The following NEURL1B variants were observed in gnomAD, a reference collection of about 807,000 sequenced individuals.
NEURL1B encodes neuralized E3 ubiquitin protein ligase 1B.
NEURL1B carries 13 observed loss-of-function variants against 37.4 expected under a neutral mutation model. That is an observed-to-expected ratio of 0.35 (90% CI 0.23 to 0.55). NEURL1B has a LOEUF of 0.55. NEURL1B is among the 20% of genes least tolerant of loss of function. NEURL1B has a pLI of 0.89. For missense variants in NEURL1B, 790 were observed against 879.2 expected (o/e 0.90, Z 1.28); for synonymous variants, 432 against 426.6 (o/e 1.01, Z -0.16).
intron 1 of NEURL1B, among the ~76,000 whole-genome samples, chr5:172,658,600 C>T (rs1757837437): frequency 6.6e-6 from 1 of 152,186 alleles, no homozygotes; most frequent in African/African-American, 2.4e-5. Context: ...GCAGGGATGA[C>T]TTCTGCACTT....
At chr5:172,679,307 C>T (rs1027745) in intron 2 of NEURL1B, among the ~76,000 whole-genome samples, 16,540 of 152,288 alleles carry the variant, frequency 0.11, 1,209 homozygotes, top group East Asian at 0.3. Flanking sequence ...TGAAATGTGC[C>T]CATTTTACAG....
chr5:172,661,000 C>T (rs1296580289), intron 1 of NEURL1B, among the ~76,000 whole-genome samples: 1 of 152,212 alleles, frequency 6.6e-6, no homozygotes, highest in African/African-American at 2.4e-5. Context: ...GCAAAGGTGA[C>T]TGATATCTTG....
At chr5:172,681,584 A>C (rs1758354461) in intron 2 of NEURL1B, among the ~76,000 whole-genome samples, 1 of 152,212 alleles carries the variant, frequency 6.6e-6, no homozygotes, top group African/African-American at 2.4e-5. Context: ...AGAGAGATCA[A>C]ACCACCTCAA....
chr5:172,684,226 C>CCG, intron 3 of NEURL1B, 88 bp downstream of exon 3: 2 of 1,096,238 alleles, frequency 1.8e-6, no homozygotes, highest in Non-Finnish European at 1.1e-6. Flanking sequence ...CGGCCCCGCC[C>CCG]CTCTCGCTAG....
rs1758424058 is a variant in NEURL1B at position 172,683,920 on chromosome 5, A to G, written c.1079A>G (p.Asp360Gly). 2.8e-6 allele frequency: 4 copies of G among 1,407,974 alleles called. No homozygotes were observed. The highest frequency in any genetic ancestry group is 2.5e-5 in the Admixed American group (1 of 39,842). 87.2% of individuals were successfully genotyped at this position (1,407,974 alleles called of 1,614,324 possible). Residue 360 changes from aspartate to glycine, a missense_variant, in exon 3 of 5, where the codon GAC becomes GGC. Coordinates refer to ENST00000369800, the MANE Select transcript of NEURL1B (RefSeq NM_001142651.3). This position sits in a 1 kb window ranked among gnomAD's most constrained non-coding sequence, Gnocchi z 5.6. ...LRPNELPADPDALLDRKEYWV... is the reference protein window; with the variant it reads ...LRPNELPADPGALLDRKEYWV... ...CCCAACGAGCTGCCCGCCGACCCAG[A>G]CGCGCTGCTCGACCGCAAAGAGTAC...
In NEURL1B at chr5:172,675,252, G is replaced by A. The variant is rs1246033337; in HGVS notation, c.577+4922G>A. Among the ~76,000 whole-genome samples the A allele has an allele frequency of 6.6e-6, 1 of 152,112 alleles. No homozygotes were observed. The highest frequency in any genetic ancestry group is 2.1e-4 in the South Asian group (1 of 4,824). On this transcript the variant is annotated intron_variant, in intron 2 of 4. Coordinates refer to ENST00000369800, the MANE Select transcript of NEURL1B (RefSeq NM_001142651.3). The surrounding 1 kb of genome is among the most constrained non-coding windows in gnomAD (Gnocchi z 4.7). ...GGTATTGTGCTAAGGACCTTATTCT[G>A]TTTTTCTTTTTCCACTCACCCTTCT... is the stretch of plus-strand genomic sequence containing the variant.
intron 2 of NEURL1B, among the ~76,000 whole-genome samples, chr5:172,681,915 G>A (rs991806508): frequency 6.6e-6 from 1 of 152,202 alleles, no homozygotes; most frequent in Admixed American, 6.5e-5. Flanking sequence ...AAAAATGTTT[G>A]TATCACTAAA....
Position 172,641,479 on chromosome 5 carries a change from C to A in NEURL1B, c.31+42C>A. 1.6e-6 allele frequency: 2 copies of A among 1,264,838 alleles called. No individual in the cohort carries two copies. Among genetic ancestry groups the A allele is most frequent in the East Asian group, 3.1e-5 (1 of 31,966 alleles). 78.4% of individuals were successfully genotyped at this position (1,264,838 alleles called of 1,614,324 possible). On this transcript the variant is annotated intron_variant, in intron 1 of 4. Coordinates refer to ENST00000369800, the MANE Select transcript of NEURL1B (RefSeq NM_001142651.3). This position sits in a 1 kb window ranked among gnomAD's most constrained non-coding sequence, Gnocchi z 6.4. ...TGCCCGGGAGGCGGGCGCCGGGCTT[C>A]TCTCCTCCGGGGGACCCGCTGGGTG...
At chr5:172,672,658 A>G (rs1758153064) in intron 2 of NEURL1B, among the ~76,000 whole-genome samples, 1 of 151,938 alleles carries the variant, frequency 6.6e-6, no homozygotes, top group Non-Finnish European at 1.5e-5. Context: ...CATGAGCCTC[A>G]GCTTCCCTTA....
chr5:172,655,880 G>A (rs746980674), intron 1 of NEURL1B, among the ~76,000 whole-genome samples: 9 of 152,072 alleles, frequency 5.9e-5, no homozygotes, highest in Admixed American at 1.3e-4. Flanking sequence ...ATATAATCAC[G>A]GGCGAGCCCC....
chr5:172,684,644 G>T (rs1758448994), intron 3 of NEURL1B, among the ~76,000 whole-genome samples: 1 of 152,228 alleles, frequency 6.6e-6, no homozygotes, highest in African/African-American at 2.4e-5. Context: ...TGGAATGGAG[G>T]CCTGAACCAT....
Position 172,641,351 on chromosome 5 carries a change from A to G in NEURL1B, c.-56A>G. Reference sequence around the variant, plus strand: ...GGTCCTGGTCCCTGGCCCGCCGCGTAATTAGCCTCCGCGCGCCCAGAGCGC... The same window carrying G: ...GGTCCTGGTCCCTGGCCCGCCGCGTGATTAGCCTCCGCGCGCCCAGAGCGC... On this transcript the variant is annotated 5_prime_UTR_variant, in exon 1 of 5. It removes the in-frame stop codon of an upstream open reading frame in the 5' UTR. Coordinates refer to ENST00000369800, the MANE Select transcript of NEURL1B (RefSeq NM_001142651.3). This position sits in a 1 kb window ranked among gnomAD's most constrained non-coding sequence, Gnocchi z 6.4. 7.3e-7 allele frequency: 1 copy of G among 1,372,620 alleles called. No individual in the cohort carries two copies. Among genetic ancestry groups the G allele is most frequent in the East Asian group, 3.1e-5 (1 of 32,466 alleles). 85.0% of individuals were successfully genotyped at this position (1,372,620 alleles called of 1,614,324 possible). A position where few individuals can be genotyped will look rare whatever the true frequency, so the allele number is the denominator to read the frequency against.
intron 2 of NEURL1B, among the ~76,000 whole-genome samples, chr5:172,671,035 T>C (rs1758121734): frequency 6.6e-6 from 1 of 152,200 alleles, no homozygotes. Context: ...TCTCAAGACC[T>C]TTTTTTAAAA....
At chr5:172,668,189 A>G (rs1424028410) in intron 1 of NEURL1B, among the ~76,000 whole-genome samples, 1 of 152,088 alleles carries the variant, frequency 6.6e-6, no homozygotes, top group Admixed American at 6.5e-5. Flanking sequence ...CGTCAGCTCC[A>G]TCAGAGCAAC....
intron 1 of NEURL1B, among the ~76,000 whole-genome samples, chr5:172,648,171 G>T (rs573645987): frequency 6.6e-6 from 1 of 152,218 alleles, no homozygotes; most frequent in Non-Finnish European, 1.5e-5. Flanking sequence ...TTTTTAGCCA[G>T]ACAAGTGACG....
At chr5:172,681,019 T>C (rs1229856895) in intron 2 of NEURL1B, among the ~76,000 whole-genome samples, 1 of 152,126 alleles carries the variant, frequency 6.6e-6, no homozygotes, top group African/African-American at 2.4e-5. Context: ...CTTACAATCA[T>C]GGCAGAAGGT....
chr5:172,661,796 C>T lies in NEURL1B; in HGVS notation c.32-7989C>T, dbSNP rs746622195. Among the ~76,000 whole-genome samples, 16 of 150,770 alleles carry T rather than the reference C, an allele frequency of 1.1e-4. No individual in the cohort carries two copies. Among genetic ancestry groups the T allele is most frequent in the African/African-American group, 3.1e-4 (13 of 41,344 alleles). ...CTGTTGCTTCCTGCCATCCTCCTGA[C>T]GGTAACTGCCATTTCCTTGGGCTCT... On this transcript the variant is annotated intron_variant, in intron 1 of 4. Transcript: ENST00000369800. This position sits in a 1 kb window ranked among gnomAD's most constrained non-coding sequence, Gnocchi z 4.0.
rs772018339 is a variant in NEURL1B, at chr5:172,683,672, G to C, written c.831G>C (p.Glu277Asp). 4 of 1,319,608 alleles carry C rather than the reference G, an allele frequency of 3.0e-6. No individual in the cohort carries two copies. In the Admixed American group the frequency reaches 9.7e-5, roughly 32 times the overall value. The allele number at this position is 1,319,608 out of a possible 1,614,324, so 81.7% of individuals were successfully genotyped here. A position where few individuals can be genotyped will look rare whatever the true frequency, so the allele number is the denominator to read the frequency against. The part of the protein sequence containing the change: ...PRPASSPALL[E>D]ADLRFHATRG... ...CCGCGTCGTCGCCGGCGCTACTGGAGGCCGACCTGCGCTTCCACGCAACAC... is the reference window on the plus strand; with the variant it reads ...CCGCGTCGTCGCCGGCGCTACTGGACGCCGACCTGCGCTTCCACGCAACAC... The change falls in exon 3 of 5, where the codon GAG becomes GAC. Residue 277 changes from glutamate to aspartate, a missense_variant. Glu to Asp is a conservative substitution (Grantham distance 45, BLOSUM62 2). Transcript: ENST00000369800. The surrounding 1 kb of genome is among the most constrained non-coding windows in gnomAD (Gnocchi z 5.6).
intron 3 of NEURL1B, among the ~76,000 whole-genome samples, chr5:172,685,734 G>T (rs1402175346): frequency 6.6e-6 from 1 of 152,182 alleles, no homozygotes; most frequent in African/African-American, 2.4e-5. Flanking sequence ...CCTTTGCCAC[G>T]GGTTGGCTCT....
Sources: allele counts gnomAD v4.1 joint callset (sites outside exome capture counted in the v4.1 genomes callset), GRCh38; gene constraint gnomAD v4.1.1; non-coding constraint Gnocchi (gnomAD v3.1); transcripts MANE v1.5; gene names NCBI Gene and HGNC (gene_info 2026-07-23, HGNC 2026-07-21).